The following TXNRD2 variants were observed in gnomAD, a reference collection of about 807,000 sequenced individuals.
TXNRD2 encodes the protein thioredoxin reductase 2.
TXNRD2 carries 67 observed loss-of-function variants against 70.8 expected under a neutral mutation model. That is an observed-to-expected ratio of 0.95 (90% confidence interval 0.78 to 1.16). TXNRD2 has a LOEUF of 1.16. Ranked by LOEUF, TXNRD2 falls within the 50% of genes most tolerant of loss-of-function variation. The pLI, the probability that TXNRD2 is intolerant of heterozygous loss-of-function variation, is 0.00. For synonymous variants in TXNRD2, 301 were observed against 295.8 expected (o/e 1.02, Z -0.18); for missense variants, 644 against 719.9 (o/e 0.89, Z 1.21).
At chr22:19,919,097 G>T in intron 3 of TXNRD2, 93 bp from the exon 4 acceptor site, 2 of 1,330,582 alleles carry the variant, frequency 1.5e-6, no homozygotes, top group South Asian at 1.2e-5. Context: ...CCTTAAAGTT[G>T]CTTTGTAACT....
chr22:19,940,925 GC>G (rs1941689395), intron 1 of TXNRD2, among the ~76,000 whole-genome samples: 1 of 152,114 alleles, frequency 6.6e-6, no homozygotes, highest in Non-Finnish European at 1.5e-5. Flanking sequence ...TCCACCGCGG[GC>G]AGAGGGCCAG....
chr22:19,920,160 C>A (rs945017082), intron 2 of TXNRD2, among the ~76,000 whole-genome samples: 1 of 152,198 alleles, frequency 6.6e-6, no homozygotes, highest in Admixed American at 6.5e-5. Flanking sequence ...CCAGGGTGGA[C>A]CAGCCCCAGA....
At chr22:19,888,677 C>T (rs1939133709) in intron 11 of TXNRD2, among the ~76,000 whole-genome samples, 1 of 152,010 alleles carries the variant, frequency 6.6e-6, no homozygotes, top group Admixed American at 6.6e-5. Flanking sequence ...GTGGGCGATG[C>T]GAGGCGGGCA....
rs1375808016 is a variant in TXNRD2 at position 19,918,840 on chromosome 22, C to A, written c.374+20G>T. ...AGAGTAGAAGAAAAGCACTGGAATG[C>A]CACGGCGCCAGATCCTTACCAGTCA... On this transcript the variant is annotated intron_variant, in intron 4 of 17. Transcript: ENST00000400521. 6.2e-7 allele frequency: 1 copy of A among 1,603,856 alleles called. No homozygotes were observed. Among genetic ancestry groups the A allele is most frequent in the Non-Finnish European group, 8.5e-7 (1 of 1,179,788 alleles).
At chr22:19,900,484 C>A (rs144627958) in intron 8 of TXNRD2, among the ~76,000 whole-genome samples, 1 of 152,220 alleles carries the variant, frequency 6.6e-6, no homozygotes, top group Non-Finnish European at 1.5e-5. Flanking sequence ...GGTGCGGTGG[C>A]TCACGCCTGT....
At chr22:19,930,450 T>C (rs1941314209) in intron 2 of TXNRD2, among the ~76,000 whole-genome samples, 1 of 152,130 alleles carries the variant, frequency 6.6e-6, no homozygotes, top group Non-Finnish European at 1.5e-5. Flanking sequence ...AGCAGAGAAC[T>C]GCAAAGTGTC....
At chr22:19,907,295 G>A (rs564920369) in intron 8 of TXNRD2, among the ~76,000 whole-genome samples, 4 of 33,836 alleles carry the variant, frequency 1.2e-4, no homozygotes, top group African/African-American at 4.0e-4. Flanking sequence ...GGGTGTGGGC[G>A]CCGTGGATAG....
Position 19,934,483 on chromosome 22 carries a change from C to T in TXNRD2, c.104-3385G>A, listed in dbSNP as rs183918981. ...CCCGAATGGAGGGACTGGCTGGAGC[C>T]GTGGCAGAGGAACATAAATAGTGAA... On this transcript the variant is annotated intron_variant, in intron 1 of 17. Transcript: ENST00000400521. 7.9e-5 allele frequency among the ~76,000 whole-genome samples: 12 copies of T among 151,712 alleles called. No homozygotes were observed. In the East Asian group the frequency reaches 1.7e-3, roughly 22 times the overall value.
intron 1 of TXNRD2, among the ~76,000 whole-genome samples, chr22:19,933,118 CCACT>C (rs1002265199): frequency 2.6e-5 from 4 of 152,234 alleles, no homozygotes; most frequent in Admixed American, 6.5e-5. Flanking sequence ...CCAAACCCAC[CCACT>C]CTTTCACCTG....
intron 2 of TXNRD2, among the ~76,000 whole-genome samples, chr22:19,922,257 A>G (rs1045172985): frequency 6.6e-6 from 1 of 152,146 alleles, no homozygotes; most frequent in African/African-American, 2.4e-5. Flanking sequence ...ACTATTCCAT[A>G]CTTTTTTATT....
intron 2 of TXNRD2, among the ~76,000 whole-genome samples, chr22:19,926,190 A>G (rs2146075974): frequency 6.6e-6 from 1 of 151,038 alleles, no homozygotes; most frequent in East Asian, 1.9e-4. Context: ...AAAGAAAAAG[A>G]AAAAGAAAAT....
Position 19,880,185 on chromosome 22 carries a change from A to G in TXNRD2, c.1269T>C (p.His423=), listed in dbSNP as rs1938698871. The G allele has an allele frequency of 3.7e-6, 6 of 1,613,116 alleles. No individual in the cohort carries two copies. The highest frequency in any genetic ancestry group is 5.1e-6 in the Non-Finnish European group (6 of 1,179,940). The change falls in exon 14 of 18, where the codon CAT becomes CAC. Residue 423 remains histidine, a synonymous_variant. Coordinates refer to ENST00000400521, the MANE Select transcript of TXNRD2 (RefSeq NM_006440.5). ...EEAVARHGQE[H]VEVYHAHYKP... ...TGCTGCTCCCAGGCCTCACCTCAAC[A>G]TGCTCCTGCCCGTGGCGAGCCACTG...
chr22:19,881,362 C>A (rs987761389), intron 12 of TXNRD2: 9 of 318,878 alleles, frequency 2.8e-5, no homozygotes, highest in African/African-American at 1.7e-4. Flanking sequence ...GCGCAGCCTG[C>A]GCATTCCAGC....
At chr22:19,940,841 G>A (rs1941686120) in intron 1 of TXNRD2, among the ~76,000 whole-genome samples, 2 of 152,056 alleles carry the variant, frequency 1.3e-5, no homozygotes, top group Non-Finnish European at 2.9e-5. Flanking sequence ...GCCACCCTCC[G>A]TCCTGGAGAC....
intron 16 of TXNRD2, among the ~76,000 whole-genome samples, chr22:19,877,730 G>A (rs1221633887): frequency 6.6e-6 from 1 of 152,226 alleles, no homozygotes; most frequent in Non-Finnish European, 1.5e-5. Context: ...CCAAGACCCA[G>A]GCAATGGCCC....
At chr22:19,909,874 T>TCACAACCACACACACCCTACTCA (rs1940303915) in intron 8 of TXNRD2, among the ~76,000 whole-genome samples, 1 of 40,586 alleles carries the variant, frequency 2.5e-5, no homozygotes, top group African/African-American at 8.5e-5. Flanking sequence ...CACACACCAC[T>TCACAACCACACACACCCTACTCA]CACACACACC....
At chr22:19,940,370 AT>A (rs1157348943) in intron 1 of TXNRD2, among the ~76,000 whole-genome samples, 1 of 151,854 alleles carries the variant, frequency 6.6e-6, no homozygotes, top group Non-Finnish European at 1.5e-5. Context: ...GAGACTACTT[AT>A]TTTATTTCTT....
chr22:19,881,253 C>T (rs147779586), intron 12 of TXNRD2: 1 of 396,688 alleles, frequency 2.5e-6, no homozygotes, highest in Non-Finnish European at 4.4e-6. Flanking sequence ...GTTCCAGCAC[C>T]GTCCTCTGGG....
In TXNRD2 at chr22:19,941,727, AC is replaced by A; in HGVS notation, c.76del (p.Val26CysfsTer71). 2.0e-6 allele frequency: 3 copies of A among 1,487,350 alleles called. No homozygotes were observed. Among genetic ancestry groups the A allele is most frequent in the Non-Finnish European group, 2.7e-6 (3 of 1,125,998 alleles). 92.1% of individuals were successfully genotyped at this position (1,487,350 alleles called of 1,614,324 possible). ...TGCTGCGCCCCGCGCCGCGCCCCGC[AC>A]CCCGCCCGCCACGGCCTGCGTCCGC... Reference protein sequence around the residue: ...RWRTQAVAGGVRGAARGAAAG... With the variant: ...RWRTQAVAGGXRGAARGAAAG... On this transcript the variant is annotated frameshift_variant, in exon 1 of 18. Transcript: ENST00000400521. LOFTEE classifies it high-confidence loss of function.
Sources: allele counts gnomAD v4.1 joint callset (sites outside exome capture counted in the v4.1 genomes callset), GRCh38; gene constraint gnomAD v4.1.1; transcripts MANE v1.5; gene names NCBI Gene and HGNC (gene_info 2026-07-23, HGNC 2026-07-21).